Variants in AFF3 observed in about 807,000 individuals in gnomAD.
AFF3 encodes AF4/FMR2 family member 3.
Under a neutral mutation model 129.7 loss-of-function variants are expected in AFF3, and 32 were observed. The ratio of observed to expected loss-of-function variants is 0.25; its 90% confidence interval spans 0.19 to 0.33. The LOEUF (loss-of-function observed/expected upper bound fraction) is 0.33. Ranked by LOEUF, AFF3 falls within the 10% of genes least tolerant of loss-of-function variation. AFF3 has a pLI of 1.00. For synonymous variants in AFF3, 644 were observed against 635.4 expected (o/e 1.01, Z -0.20); for missense variants, 1,373 against 1,592.0 (o/e 0.86, Z 2.34).
intron 8 of AFF3, among the ~76,000 whole-genome samples, chr2:99,831,494 T>C (rs1217012467): frequency 1.3e-5 from 2 of 152,182 alleles, no homozygotes; most frequent in Non-Finnish European, 2.9e-5. Context: ...GAAACCCAGA[T>C]TGAAAATAAG....
At chr2:99,674,958 C>G (rs1489736122) in intron 11 of AFF3, among the ~76,000 whole-genome samples, 1 of 152,208 alleles carries the variant, frequency 6.6e-6, no homozygotes, top group South Asian at 2.1e-4. Context: ...CGCGTCCACA[C>G]GTAAACACGC....
intron 8 of AFF3, among the ~76,000 whole-genome samples, chr2:99,820,139 G>A (rs1687541592): frequency 1.3e-5 from 2 of 152,162 alleles, no homozygotes; most frequent in African/African-American, 4.8e-5. Flanking sequence ...TCTGAGAAAT[G>A]CGTTGTTGGG....
chr2:99,682,398 T>C (rs948118051), intron 11 of AFF3, among the ~76,000 whole-genome samples: 1 of 152,154 alleles, frequency 6.6e-6, no homozygotes, highest in Non-Finnish European at 1.5e-5. Flanking sequence ...AGGGAAGGGG[T>C]GTGTTTCCTC....
At chr2:99,777,971 A>AC (rs70940187) in intron 8 of AFF3, among the ~76,000 whole-genome samples, 12 of 140,498 alleles carry the variant, frequency 8.5e-5, no homozygotes, top group African/African-American at 3.2e-4. Context: ...AAAAAAAAAA[A>AC]CAAAATGCAA....
At chr2:99,569,874 T>A (rs182828983) in intron 18 of AFF3, among the ~76,000 whole-genome samples, 18 of 152,384 alleles carry the variant, frequency 1.2e-4, no homozygotes, top group Admixed American at 1.2e-3. Flanking sequence ...AATGATTACA[T>A]GCTTATTTTG....
chr2:99,705,078 C>T (rs75081182), intron 11 of AFF3, among the ~76,000 whole-genome samples: 2,639 of 152,208 alleles, frequency 0.017, 73 homozygotes, highest in African/African-American at 0.058. Flanking sequence ...AAAGAATAGA[C>T]GGTTCGAAGA....
At chr2:99,721,077 G>T (rs1369622018) in intron 11 of AFF3, among the ~76,000 whole-genome samples, 1 of 151,910 alleles carries the variant, frequency 6.6e-6, no homozygotes, top group Non-Finnish European at 1.5e-5. Context: ...TTTTCTTCTT[G>T]TAGGTTTGAG....
chr2:100,052,898 A>G (rs1466884165), intron 4 of AFF3, among the ~76,000 whole-genome samples: 4 of 152,164 alleles, frequency 2.6e-5, no homozygotes, highest in Non-Finnish European at 5.9e-5. Context: ...GGCTCTTATC[A>G]GTGATTTTGT....
chr2:99,807,308 C>T (rs116739089), intron 8 of AFF3, among the ~76,000 whole-genome samples: 107 of 152,180 alleles, frequency 7.0e-4, no homozygotes, highest in African/African-American at 2.0e-3. Flanking sequence ...TGTTGGCTCC[C>T]GAAGTCTAAT....
At chr2:99,896,209 G>T (rs1000285716) in intron 7 of AFF3, among the ~76,000 whole-genome samples, 3 of 151,986 alleles carry the variant, frequency 2.0e-5, no homozygotes, top group African/African-American at 4.8e-5. Context: ...GGCCTAAGTT[G>T]GTTGTATAAT....
At chr2:99,938,635 T>C (rs1033908481) in intron 7 of AFF3, among the ~76,000 whole-genome samples, 3 of 152,138 alleles carry the variant, frequency 2.0e-5, no homozygotes, top group Non-Finnish European at 4.4e-5. Flanking sequence ...CCTCATCCAA[T>C]TAGTTGGAGG....
intron 11 of AFF3, among the ~76,000 whole-genome samples, chr2:99,703,956 C>G (rs1677116548): frequency 1.3e-5 from 2 of 152,182 alleles, no homozygotes; most frequent in Non-Finnish European, 2.9e-5. Context: ...CTAAGTATTG[C>G]CATACACATA....
At chr2:99,629,744 C>T (rs1682951334) in intron 13 of AFF3, among the ~76,000 whole-genome samples, 1 of 152,148 alleles carries the variant, frequency 6.6e-6, no homozygotes, top group Non-Finnish European at 1.5e-5. Flanking sequence ...GCTCCTCGTC[C>T]CGGTGTGCGG....
At chr2:99,551,656 A>T in intron 24 of AFF3, 61 bp from the exon 25 acceptor site, 1 of 1,600,820 alleles carries the variant, frequency 6.2e-7, no homozygotes, top group African/African-American at 1.3e-5. Context: ...ATCCTGAGCA[A>T]CTGATGTAAG....
chr2:100,061,853 G>C (rs998883597), intron 4 of AFF3, among the ~76,000 whole-genome samples: 2 of 113,032 alleles, frequency 1.8e-5, no homozygotes, highest in African/African-American at 7.2e-5. Context: ...GGGTAGCACA[G>C]TGGAGGGGGG....
At chr2:100,056,063 T>TCACACACACACA (rs369771394) in intron 4 of AFF3, among the ~76,000 whole-genome samples, 9 of 120,536 alleles carry the variant, frequency 7.5e-5, no homozygotes, top group African/African-American at 2.3e-4. Flanking sequence ...TGTCTCTCTC[T>TCACACACACACA]CACACACACA....
At chr2:99,683,604 T>G (rs1331273860) in intron 11 of AFF3, among the ~76,000 whole-genome samples, 1 of 151,822 alleles carries the variant, frequency 6.6e-6, no homozygotes, top group Non-Finnish European at 1.5e-5. Flanking sequence ...TGGCCCACCA[T>G]GCCTGGCTAA....
At chr2:99,672,716 C>T (rs1687272449) in intron 11 of AFF3, 127 bp from the exon 12 acceptor site, 1 of 908,178 alleles carries the variant, frequency 1.1e-6, no homozygotes, top group Non-Finnish European at 1.7e-6. Context: ...TATTTGATTT[C>T]CTATTTTTTT....
intron 7 of AFF3, among the ~76,000 whole-genome samples, chr2:100,002,585 T>C (rs1681524785): frequency 6.6e-6 from 1 of 152,206 alleles, no homozygotes; most frequent in Admixed American, 6.5e-5. Flanking sequence ...CGAAAACATC[T>C]AGGATACCAC....
Sources: gnomAD v4.1 joint callset for allele counts (sites outside exome capture counted in the v4.1 genomes callset) on GRCh38, gnomAD v4.1.1 for gene constraint, MANE v1.5 for transcripts, NCBI Gene and HGNC (gene_info 2026-07-23, HGNC 2026-07-21) for gene names.